KHDRBS1: variants seen among roughly 807,000 people sequenced by gnomAD.
The protein encoded by KHDRBS1 is KH RNA binding domain containing, signal transduction associated 1.
Under a neutral mutation model 48.4 loss-of-function variants are expected in KHDRBS1, and 7 were observed. The ratio of observed to expected loss-of-function variants is 0.14; its 90% CI spans 0.08 to 0.27. KHDRBS1 has a LOEUF of 0.27. KHDRBS1 is among the 10% of genes least tolerant of loss of function. KHDRBS1 has a pLI of 1.00. For missense variants in KHDRBS1, 458 were observed against 601.2 expected, an observed-to-expected ratio of 0.76 and a Z score of 2.49; for synonymous variants, 241 against 235.8, an observed-to-expected ratio of 1.02 and a Z score of -0.20.
chr1:32,022,659 G>A (rs1331574785), intron 1 of KHDRBS1, among the ~76,000 whole-genome samples: 4 of 152,136 alleles, frequency 2.6e-5, no homozygotes, highest in Non-Finnish European at 5.9e-5. Context: ...GGGAGGCCGA[G>A]GCAGGTGGAT....
chr1:32,014,299 A>G lies in KHDRBS1; in HGVS notation c.304A>G (p.Lys102Glu). 2 of 1,562,434 alleles carry G rather than the reference A, an allele frequency of 1.3e-6. No individual in the cohort carries two copies. The highest frequency in any genetic ancestry group is 1.7e-6 in the Non-Finnish European group (2 of 1,154,780). ...CTCGGTCAAGATGGAGCCAGAGAAC[A>G]AGTACCTGCCCGAACTCATGGCCGA... is the stretch of plus-strand genomic sequence containing the variant. ...TASVKMEPENKYLPELMAEKD... is the reference protein window; with the variant it reads ...TASVKMEPENEYLPELMAEKD... The change falls in exon 1 of 9, where the codon AAG becomes GAG. Residue 102 changes from lysine to glutamate, a missense_variant. Lys to Glu is a moderately conservative substitution (Grantham distance 56). This residue lies in a region of KHDRBS1 where 213 missense variants were observed against 215.6 expected (regional missense o/e 0.99). Coordinates refer to ENST00000327300, the MANE Select transcript of KHDRBS1 (RefSeq NM_006559.3).
intron 10 of KHDRBS1, among the ~76,000 whole-genome samples, chr1:32,055,565 G>T (rs989213656): frequency 2.6e-5 from 4 of 152,154 alleles, no homozygotes; most frequent in Non-Finnish European, 5.9e-5. Context: ...AGCATCTGAT[G>T]AATATTTAAT....
chr1:32,020,638 CTG>C (rs1406745329), intron 1 of KHDRBS1, among the ~76,000 whole-genome samples: 2 of 147,046 alleles, frequency 1.4e-5, no homozygotes, highest in South Asian at 2.1e-4. Flanking sequence ...AAAAAAGGAA[CTG>C]TTAATAAATG....
chr1:32,023,604 G>C (rs895358237), intron 1 of KHDRBS1, among the ~76,000 whole-genome samples: 10 of 152,178 alleles, frequency 6.6e-5, no homozygotes, highest in Admixed American at 2.0e-4. Flanking sequence ...ATTACTTAAA[G>C]GAGTCAGTTC....
intron 10 of KHDRBS1, among the ~76,000 whole-genome samples, chr1:32,059,183 A>C (rs915349890): frequency 1.1e-4 from 17 of 150,134 alleles, no homozygotes; most frequent in South Asian, 6.3e-4. Flanking sequence ...AAAAAAAAAA[A>C]ACAAAACCTT....
intron 10 of KHDRBS1, among the ~76,000 whole-genome samples, chr1:32,054,764 G>A (rs1479005922): frequency 6.6e-6 from 1 of 152,098 alleles, no homozygotes; most frequent in Non-Finnish European, 1.5e-5. Context: ...AAAACATTAT[G>A]AGATTTTTCT....
At chr1:32,040,110 G>T (rs1352208686) in intron 8 of KHDRBS1, among the ~76,000 whole-genome samples, 1 of 152,126 alleles carries the variant, frequency 6.6e-6, no homozygotes, top group African/African-American at 2.4e-5. Flanking sequence ...CCAGGTTGCG[G>T]GGCAAGAATA....
At chr1:32,016,837 G>A (rs1024609745) in intron 1 of KHDRBS1, among the ~76,000 whole-genome samples, 1 of 152,200 alleles carries the variant, frequency 6.6e-6, no homozygotes, top group East Asian at 1.9e-4. Flanking sequence ...CAGAGCGCAG[G>A]AATCTTTTGT....
At chr1:32,017,996 G>C (rs111880010) in intron 1 of KHDRBS1, among the ~76,000 whole-genome samples, 62 of 152,290 alleles carry the variant, frequency 4.1e-4, no homozygotes, top group Non-Finnish European at 7.4e-4. Flanking sequence ...ATCTGCAAAA[G>C]ATCTTGGAGA....
intron 6 of KHDRBS1, 99 bp from the exon 7 acceptor site, chr1:32,038,453 T>G: frequency 8.5e-7 from 1 of 1,175,734 alleles, no homozygotes; most frequent in Non-Finnish European, 1.2e-6. Context: ...TCATGTCCTT[T>G]TAATTCAGAA....
At chr1:32,054,316 C>G (rs1218813717) in intron 10 of KHDRBS1, among the ~76,000 whole-genome samples, 1 of 152,150 alleles carries the variant, frequency 6.6e-6, no homozygotes, top group Admixed American at 6.6e-5. Flanking sequence ...AGTGGCACTA[C>G]TCCTTTGTGG....
intron 10 of KHDRBS1, among the ~76,000 whole-genome samples, chr1:32,053,581 C>G (rs999742390): frequency 6.6e-6 from 1 of 152,058 alleles, no homozygotes; most frequent in Non-Finnish European, 1.5e-5. Context: ...AGAAACAAGT[C>G]TCTATGTTGC....
chr1:32,015,947 G>T (rs977851519), intron 1 of KHDRBS1, among the ~76,000 whole-genome samples: 1 of 152,166 alleles, frequency 6.6e-6, no homozygotes, highest in Non-Finnish European at 1.5e-5. Context: ...TTGGGAGGCC[G>T]AGACGGGCTG....
At chr1:32,051,272 G>T (rs1458273382) in intron 10 of KHDRBS1, among the ~76,000 whole-genome samples, 1 of 152,206 alleles carries the variant, frequency 6.6e-6, no homozygotes, top group Non-Finnish European at 1.5e-5. Flanking sequence ...TTTCTTCATT[G>T]AATGGTCTTG....
At chr1:32,035,054 A>G (rs943811423) in intron 4 of KHDRBS1, among the ~76,000 whole-genome samples, 2 of 151,908 alleles carry the variant, frequency 1.3e-5, no homozygotes, top group African/African-American at 4.8e-5. Context: ...ACAGCTGGTT[A>G]ATAATCTTAA....
Position 32,039,588 on chromosome 1 carries a change from C to T in KHDRBS1, c.1234+15C>T, listed in dbSNP as rs753586881. On this transcript the variant is annotated intron_variant, in intron 8 of 8. Transcript: ENST00000327300. ...TGAAGCTTATGGTATGTCTTTATCTCTGTGGTGGGGCAGAATGTACAAGTA... is the reference window on the plus strand; with the variant it reads ...TGAAGCTTATGGTATGTCTTTATCTTTGTGGTGGGGCAGAATGTACAAGTA... 1.1e-5 allele frequency: 15 copies of T among 1,348,526 alleles called. No homozygotes were observed. Among genetic ancestry groups the T allele is most frequent in the Non-Finnish European group, 1.6e-5 (15 of 937,774 alleles). 83.5% of individuals were successfully genotyped at this position (1,348,526 alleles called of 1,614,324 possible).
downstream of KHDRBS1, chr1:32,045,453 T>C (rs918374846): frequency 5.9e-5 from 9 of 152,584 alleles, no homozygotes; most frequent in Admixed American, 5.2e-4. Flanking sequence ...AAAACAGTTA[T>C]GCTAGGAGGT....
chr1:32,035,587 C>G (rs1367982517), intron 4 of KHDRBS1, among the ~76,000 whole-genome samples: 1 of 152,180 alleles, frequency 6.6e-6, no homozygotes, highest in Non-Finnish European at 1.5e-5. Flanking sequence ...CCACTTAGAA[C>G]AATTAACTAT....
intron 1 of KHDRBS1, among the ~76,000 whole-genome samples, chr1:32,017,809 G>A (rs565564452): frequency 6.6e-6 from 1 of 151,664 alleles, no homozygotes; most frequent in South Asian, 2.1e-4. Flanking sequence ...GTTTCTCCAT[G>A]TTGGTCAGGC....
Sources: gnomAD v4.1 joint callset for allele counts (sites outside exome capture counted in the v4.1 genomes callset) on GRCh38, gnomAD v4.1.1 for gene constraint, gnomAD v4.1.1 regional missense constraint, MANE v1.5 for transcripts, NCBI Gene and HGNC (gene_info 2026-07-23, HGNC 2026-07-21) for gene names.